Variants in CCNB1IP1 observed in about 807,000 individuals in gnomAD.
The protein encoded by CCNB1IP1 is E3 ubiquitin-protein ligase CCNB1IP1.
A neutral mutation model predicts 25.6 loss-of-function variants in CCNB1IP1; 14 were observed. That is an observed-to-expected ratio of 0.55 (90% CI 0.36 to 0.85). The LOEUF is 0.85. Ranked by LOEUF, CCNB1IP1 falls within the 40% of genes least tolerant of loss-of-function variation. The probability of loss-of-function intolerance (pLI) is 0.01; values close to 1 mark genes in which losing one functional copy is unlikely to be tolerated. For synonymous variants in CCNB1IP1, 119 were observed against 116.1 expected (o/e 1.02, Z -0.16); for missense variants, 278 against 342.4 (o/e 0.81, Z 1.48).
At chr14:20,331,275 G>A (rs968684870) in intron 1 of CCNB1IP1, among the ~76,000 whole-genome samples, 1 of 152,054 alleles carries the variant, frequency 6.6e-6, no homozygotes, top group Non-Finnish European at 1.5e-5. Context: ...TGGTTGTTCT[G>A]GGCCACTGCT....
intron 4 of CCNB1IP1, among the ~76,000 whole-genome samples, chr14:20,325,105 G>A (rs1030080420): frequency 4.0e-5 from 6 of 149,134 alleles, no homozygotes; most frequent in African/African-American, 1.5e-4. Flanking sequence ...GAGCCACCAC[G>A]CCTGGCCTCA....
intron 2 of CCNB1IP1, among the ~76,000 whole-genome samples, chr14:20,327,124 G>C (rs935876002): frequency 3.3e-5 from 5 of 151,686 alleles, no homozygotes; most frequent in Admixed American, 2.6e-4. Context: ...AAACCGAGCA[G>C]GACCCCTACA....
intron 6 of CCNB1IP1, among the ~76,000 whole-genome samples, chr14:20,312,592 C>T (rs79249276): frequency 0.066 from 9,953 of 151,892 alleles, 477 homozygotes; most frequent in East Asian, 0.14. Flanking sequence ...TAGGAAAGTC[C>T]AGCACAAGAG....
In CCNB1IP1 at chr14:20,313,703, C is replaced by A; in HGVS notation, c.396G>T (p.Lys132Asn). ...CTTTCATAGAGGTCAATTCTACATC[C>A]TTGCTTTGTATTTGCTGAGTATATA... ...EKIYTQQIQS[K>N]DVELTSMKGE... is the part of the protein sequence containing the mutation. Residue 132 changes from lysine (K) to asparagine (N), a missense_variant, in exon 6 of 7, where the codon AAG (lysine) becomes AAT (asparagine). Lys to Asn is a moderately conservative substitution (Grantham distance 94). Transcript: ENST00000358932. 1.9e-6 allele frequency: 3 copies of A among 1,614,078 alleles called. No homozygotes were observed. Among genetic ancestry groups the A allele is most frequent in the Non-Finnish European group, 2.5e-6 (3 of 1,180,010 alleles).
rs1882689397 is a variant in CCNB1IP1 at position 20,316,232 on chromosome 14, A to G, written c.292T>C (p.Tyr98His). ...AAACTAGACTAAGCACTAACCTGAT[A>G]TGTCCAGAAGGCCAGCGCTCGGGAG... ...ISSRALAFWT[Y>H]QVHQERLYQE... The change falls in exon 5 of 7, where the codon TAT becomes CAT. Residue 98 changes from tyrosine to histidine, a missense_variant. By Grantham distance (83) the Tyr-to-His change is moderately conservative. Coordinates refer to ENST00000358932, the MANE Select transcript of CCNB1IP1 (RefSeq NM_021178.5). 6.2e-7 allele frequency: 1 copy of G among 1,612,634 alleles called. No homozygotes were observed. The highest frequency in any genetic ancestry group is 1.1e-5 in the South Asian group (1 of 91,058).
At chr14:20,322,784 A>G (rs1882937502) in intron 4 of CCNB1IP1, among the ~76,000 whole-genome samples, 1 of 151,918 alleles carries the variant, frequency 6.6e-6, no homozygotes, top group Non-Finnish European at 1.5e-5. Context: ...CACCATGCCC[A>G]ACTAATTTTT....
chr14:20,326,073 T>C (rs1883066253), intron 3 of CCNB1IP1, among the ~76,000 whole-genome samples: 2 of 152,246 alleles, frequency 1.3e-5, no homozygotes, highest in African/African-American at 2.4e-5. Flanking sequence ...TTTTAAGTGA[T>C]TCTATAGTGT....
intron 1 of CCNB1IP1, among the ~76,000 whole-genome samples, chr14:20,332,004 A>G (rs1883249914): frequency 1.1e-5 from 1 of 88,262 alleles, no homozygotes; most frequent in Non-Finnish European, 2.1e-5. Flanking sequence ...TGATGTGTAT[A>G]CATATATATA....
chr14:20,313,472 T>C lies in CCNB1IP1; in HGVS notation c.627A>G (p.Pro209=), dbSNP rs761135341. The C allele has an allele frequency of 8.9e-6, 14 of 1,574,740 alleles. No individual in the cohort carries two copies. The Admixed American group carries it at 9.5e-5, about 11-fold the overall frequency. ...TTGATACATGTCCTTTCTTACCTAA[T>C]GGGAAGCCAAGAACACCAGACTGTG... ...MIAQSGVLGF[P]LGNNSKFPLD... is the part of the protein sequence containing the mutation. Residue 209 remains proline, a synonymous_variant, in exon 6 of 7, where the codon CCA becomes CCG. Transcript: ENST00000358932.
At chr14:20,317,204 T>C (rs1279371367) in intron 4 of CCNB1IP1, among the ~76,000 whole-genome samples, 4 of 151,716 alleles carry the variant, frequency 2.6e-5, no homozygotes, top group Non-Finnish European at 4.4e-5. Context: ...AGGTCAGGAG[T>C]TCGAGACCAG....
intron 2 of CCNB1IP1, among the ~76,000 whole-genome samples, 191 bp from the exon 3 acceptor site, chr14:20,326,984 T>G (rs192251697): frequency 2.6e-5 from 4 of 152,034 alleles, no homozygotes; most frequent in Admixed American, 2.6e-4. Flanking sequence ...AAGCTCAATA[T>G]CAAATAGGGC....
chr14:20,312,967 C>G (rs892317386), intron 6 of CCNB1IP1, among the ~76,000 whole-genome samples: 5 of 152,172 alleles, frequency 3.3e-5, no homozygotes, highest in African/African-American at 1.2e-4. Flanking sequence ...AAAATTGAAA[C>G]ATGGCCTTCT....
At chr14:20,324,731 C>T (rs1312337825) in intron 4 of CCNB1IP1, among the ~76,000 whole-genome samples, 2 of 152,170 alleles carry the variant, frequency 1.3e-5, no homozygotes, top group Non-Finnish European at 2.9e-5. Flanking sequence ...GCCAATGCTG[C>T]ATAACTGGTG....
At chr14:20,318,067 T>TA (rs1882773838) in intron 4 of CCNB1IP1, 1 of 152,284 alleles carries the variant, frequency 6.6e-6, no homozygotes, top group Non-Finnish European at 1.5e-5. Flanking sequence ...TTTTATTTTT[T>TA]ATCCACCTTG....
chr14:20,315,601 G>A (rs569235907), intron 5 of CCNB1IP1: 1 of 1,286,486 alleles, frequency 7.8e-7, no homozygotes, highest in African/African-American at 1.5e-5. Flanking sequence ...TCCACAGGGA[G>A]GTCTTTCAAA....
At chr14:20,326,464 ATG>A (rs1199783347) in intron 3 of CCNB1IP1, 1 of 534,774 alleles carries the variant, frequency 1.9e-6, no homozygotes, top group East Asian at 5.4e-5. Flanking sequence ...TGCTCAGAGC[ATG>A]TGTTTAATCA....
rs368353188 is a variant in CCNB1IP1, at chr14:20,311,641, G to C, written c.743C>G (p.Pro248Arg). 23 of 1,613,964 alleles carry C rather than the reference G, an allele frequency of 1.4e-5. No homozygotes were observed. The highest frequency in any genetic ancestry group is 1.7e-5 in the Admixed American group (1 of 59,994). ...FFAGSPTAPEPSNSFFSFVSP... is the reference protein window; with the variant it reads ...FFAGSPTAPERSNSFFSFVSP... ...GACAAAACTAAAAAAGCTGTTGCTG[G>C]GTTCAGGTGCTGTGGGAGAACCCGC... Residue 248 changes from proline to arginine, a missense_variant, in exon 7 of 7, where the codon CCC (proline) becomes CGC (arginine). Physicochemically the swap from Pro to Arg is moderately radical, Grantham distance 103. Coordinates refer to ENST00000358932, the MANE Select transcript of CCNB1IP1 (RefSeq NM_021178.5).
Position 20,313,599 on chromosome 14 carries a change from C to T in CCNB1IP1, c.500G>A (p.Arg167His), listed in dbSNP as rs1385967366. ...FSDISEKLME[R>H]NRQYQKLQGL... ...TTGGAGCTTTTGATACTGACGATTG[C>T]GCTCCATAAGTTTCTCAGAGATGTC... is the stretch of plus-strand genomic sequence containing the variant. Residue 167 changes from arginine to histidine, a missense_variant, in exon 6 of 7, where the codon CGC (arginine) becomes CAC (histidine). Coordinates refer to ENST00000358932, the MANE Select transcript of CCNB1IP1 (RefSeq NM_021178.5). 4 of 1,614,172 alleles carry T rather than the reference C, an allele frequency of 2.5e-6. No homozygotes were observed. The highest frequency in any genetic ancestry group is 2.2e-5 in the South Asian group (2 of 91,082).
At chr14:20,318,187 T>C (rs1425172105) in intron 4 of CCNB1IP1, 1 of 152,296 alleles carries the variant, frequency 6.6e-6, no homozygotes, top group African/African-American at 2.4e-5. Flanking sequence ...AATTAAGCGA[T>C]AGTGGGCCGG....
Sources: allele counts gnomAD v4.1 joint callset (sites outside exome capture counted in the v4.1 genomes callset), GRCh38; gene constraint gnomAD v4.1.1; transcripts MANE v1.5; gene names NCBI Gene and HGNC (gene_info 2026-07-23, HGNC 2026-07-21).